TRAF3: variants seen among roughly 807,000 people sequenced by gnomAD.
The protein encoded by TRAF3 is TNF receptor-associated factor 3.
In TRAF3, 13 loss-of-function variants were observed where a neutral mutation model predicts 62.3. The observed-to-expected ratio is 0.21, with a 90% confidence interval of 0.14 to 0.33. The LOEUF (loss-of-function observed/expected upper bound fraction) is 0.33. TRAF3 is among the 10% of genes least tolerant of loss of function. The probability of loss-of-function intolerance (pLI) is 1.00; values close to 1 mark genes in which losing one functional copy is unlikely to be tolerated. For missense variants in TRAF3, 440 were observed against 741.8 expected (o/e 0.59, Z 4.73); for synonymous variants, 269 against 283.4 (o/e 0.95, Z 0.51).
chr14:102,821,085 C>T (rs1899959419), intron 1 of TRAF3, among the ~76,000 whole-genome samples: 1 of 152,060 alleles, frequency 6.6e-6, no homozygotes, highest in Non-Finnish European at 1.5e-5. Flanking sequence ...ATAGTCTGTT[C>T]CTGAAGCAAA....
intron 6 of TRAF3, among the ~76,000 whole-genome samples, chr14:102,883,162 A>G (rs952550868): frequency 5.3e-5 from 8 of 152,216 alleles, no homozygotes; most frequent in Non-Finnish European, 1.0e-4. Flanking sequence ...GAGCCGCAGA[A>G]ATCTGGAAAC....
In TRAF3 at chr14:102,777,650, C is replaced by G. The variant is rs1246077741; in HGVS notation, c.-182C>G. ...GGAGGACGCGCCCGGCGCCCCTGAG[C>G]CGGCCGAGCGGCGACGGACCGCGAG... On this transcript the variant is annotated 5_prime_UTR_variant, in exon 1 of 12. Transcript: ENST00000392745. 6.9e-6 allele frequency: 1 copy of G among 144,764 alleles called. No homozygotes were observed. The highest frequency in any genetic ancestry group is 2.1e-4 in the South Asian group (1 of 4,784). 9.0% of individuals were successfully genotyped at this position (144,764 alleles called of 1,614,324 possible).
intron 2 of TRAF3, among the ~76,000 whole-genome samples, chr14:102,856,488 G>A (rs1190150739): frequency 1.3e-5 from 2 of 152,170 alleles, no homozygotes; most frequent in Non-Finnish European, 2.9e-5. Context: ...ATAATGAATA[G>A]TAAGGACAAC....
At chr14:102,778,931 A>T (rs1897155563) in intron 1 of TRAF3, among the ~76,000 whole-genome samples, 1 of 152,206 alleles carries the variant, frequency 6.6e-6, no homozygotes, top group South Asian at 2.1e-4. Flanking sequence ...AATAGTGTAC[A>T]GCGTTCTTTT....
Position 102,798,058 on chromosome 14 carries a change from C to T in TRAF3, c.-157+20383C>T, listed in dbSNP as rs1185150149. On this transcript the variant is annotated intron_variant, in intron 1 of 11. Transcript: ENST00000392745. Reference sequence around the variant, plus strand: ...AGCCTAGGCACTCGTATTTCTTAGTCGGGAAAGAGAGGACAGGATATGTCC... The same window carrying T: ...AGCCTAGGCACTCGTATTTCTTAGTTGGGAAAGAGAGGACAGGATATGTCC... Among the ~76,000 whole-genome samples the T allele has an allele frequency of 3.9e-5, 6 of 151,960 alleles. No homozygotes were observed. In the East Asian group the frequency reaches 1.2e-3, roughly 29 times the overall value.
intron 6 of TRAF3, among the ~76,000 whole-genome samples, chr14:102,883,775 G>A (rs1209095699): frequency 6.6e-6 from 1 of 152,052 alleles, no homozygotes; most frequent in Non-Finnish European, 1.5e-5. Flanking sequence ...CAGTAGCGAC[G>A]GGGTTTCACC....
chr14:102,797,495 C>T lies in TRAF3; in HGVS notation c.-157+19820C>T, dbSNP rs140266852. On this transcript the variant is annotated intron_variant, in intron 1 of 11. Transcript: ENST00000392745. ...GAGGAGGAGGAGGAGGAGATAGTGGCGTCCCTCCTGCAGAAACCCCGCAGT... is the reference window on the plus strand; with the variant it reads ...GAGGAGGAGGAGGAGGAGATAGTGGTGTCCCTCCTGCAGAAACCCCGCAGT... 1.9e-3 allele frequency among the ~76,000 whole-genome samples: 283 copies of T among 152,206 alleles called. 1 individual carries two copies. Among genetic ancestry groups the T allele is most frequent in the African/African-American group, 6.7e-3 (278 of 41,532 alleles).
intron 1 of TRAF3, among the ~76,000 whole-genome samples, chr14:102,821,424 C>A (rs560692441): frequency 6.6e-6 from 1 of 152,150 alleles, no homozygotes; most frequent in Non-Finnish European, 1.5e-5. Flanking sequence ...CCCTTCAAGA[C>A]GCATTTTGGG....
At chr14:102,834,878 C>G (rs1885898762) in intron 2 of TRAF3, among the ~76,000 whole-genome samples, 1 of 150,592 alleles carries the variant, frequency 6.6e-6, no homozygotes, top group African/African-American at 2.5e-5. Flanking sequence ...GCAATTGCAA[C>G]AAAAGCAAAA....
chr14:102,777,523 C>T lies in TRAF3; in HGVS notation c.-309C>T, dbSNP rs1897059014. The T allele has an allele frequency of 6.9e-6, 1 of 144,826 alleles. No homozygotes were observed. The highest frequency in any genetic ancestry group is 2.1e-4 in the South Asian group (1 of 4,776). The allele number at this position is 144,826 out of a possible 1,614,324, so 9.0% of individuals were successfully genotyped here. On this transcript the variant is annotated 5_prime_UTR_variant, in exon 1 of 12. Transcript: ENST00000392745. ...CGCGTGCGCGAGCCGGGGTTGCAGC[C>T]CAGCCGGGACTTTCCAGCCGGCGGC...
chr14:102,804,197 AC>A (rs1898628344), intron 1 of TRAF3, among the ~76,000 whole-genome samples: 1 of 151,978 alleles, frequency 6.6e-6, no homozygotes, highest in Non-Finnish European at 1.5e-5. Flanking sequence ...AAAAAAAAAA[AC>A]AAAAAAAACT....
chr14:102,868,575 G>A (rs937976417), intron 2 of TRAF3, among the ~76,000 whole-genome samples: 4 of 152,170 alleles, frequency 2.6e-5, no homozygotes, highest in African/African-American at 9.7e-5. Flanking sequence ...TGGTGCACAC[G>A]CTGACCTAAA....
chr14:102,789,844 G>A (rs547595606), intron 1 of TRAF3, among the ~76,000 whole-genome samples: 1 of 150,608 alleles, frequency 6.6e-6, no homozygotes, highest in Admixed American at 6.6e-5. Context: ...TTTTGAGACC[G>A]AGTCTCCTTC....
chr14:102,871,605 C>G (rs570559416), intron 3 of TRAF3, among the ~76,000 whole-genome samples: 7 of 152,380 alleles, frequency 4.6e-5, no homozygotes, highest in Admixed American at 1.3e-4. Flanking sequence ...AAGAGCTGCT[C>G]TGCAGACAGC....
Position 102,816,402 on chromosome 14 carries a change from T to C in TRAF3, c.-156-13932T>C, listed in dbSNP as rs187196501. On this transcript the variant is annotated intron_variant, in intron 1 of 11. Transcript: ENST00000392745. ...ACATGCATTAGCTACCATACACCGA[T>C]TGTACAGGCCACAGGCTAGCCCCAC... is the stretch of plus-strand genomic sequence containing the variant. Among the ~76,000 whole-genome samples the C allele has an allele frequency of 1.6e-4, 25 of 152,288 alleles. 1 individual carries two copies. In the East Asian group the frequency reaches 2.9e-3, roughly 18 times the overall value.
At chr14:102,785,218 C>T (rs1334695590) in intron 1 of TRAF3, among the ~76,000 whole-genome samples, 1 of 152,184 alleles carries the variant, frequency 6.6e-6, no homozygotes, top group Admixed American at 6.5e-5. Flanking sequence ...TTCCATCCAA[C>T]ATCTGTTTTG....
chr14:102,825,375 T>C (rs1461143463), intron 1 of TRAF3, among the ~76,000 whole-genome samples: 1 of 152,186 alleles, frequency 6.6e-6, no homozygotes, highest in Non-Finnish European at 1.5e-5. Context: ...GATGGTCGAA[T>C]TGAGAGGCAG....
intron 9 of TRAF3, among the ~76,000 whole-genome samples, chr14:102,895,735 G>A (rs1889973124): frequency 2.0e-5 from 3 of 152,212 alleles, no homozygotes; most frequent in Admixed American, 2.0e-4. Flanking sequence ...TCATCTTTGA[G>A]ACCAGGTGTT....
chr14:102,868,510 A>G (rs940205187), intron 2 of TRAF3, among the ~76,000 whole-genome samples: 6 of 152,244 alleles, frequency 3.9e-5, no homozygotes, highest in Non-Finnish European at 7.3e-5. Flanking sequence ...GCTGCCCTGC[A>G]GAAGCCTCGT....
Sources: allele counts gnomAD v4.1 joint callset (sites outside exome capture counted in the v4.1 genomes callset), GRCh38; gene constraint gnomAD v4.1.1; transcripts MANE v1.5; gene names NCBI Gene and HGNC (gene_info 2026-07-23, HGNC 2026-07-21).